Variants in GSK3B observed in about 807,000 individuals in gnomAD.
The protein encoded by GSK3B is glycogen synthase kinase-3 beta.
Under a neutral mutation model 56.4 loss-of-function variants are expected in GSK3B, and 15 were observed. The observed-to-expected ratio is 0.27, with a 90% confidence interval of 0.18 to 0.41. GSK3B has a LOEUF of 0.41. GSK3B is among the 10% of genes least tolerant of loss of function. The pLI, the probability that GSK3B is intolerant of heterozygous loss-of-function variation, is 1.00. For synonymous variants in GSK3B, 181 were observed against 188.9 expected, an observed-to-expected ratio of 0.96 and a Z score of 0.34; for missense variants, 300 against 513.4, an observed-to-expected ratio of 0.58 and a Z score of 4.02.
chr3:120,064,566 C>G (rs530894432), intron 1 of GSK3B, among the ~76,000 whole-genome samples: 8 of 152,240 alleles, frequency 5.3e-5, no homozygotes, highest in African/African-American at 1.7e-4. Flanking sequence ...AGACATAATA[C>G]TGTCAAGATG....
intron 2 of GSK3B, among the ~76,000 whole-genome samples, chr3:119,954,222 G>GAGAAT (rs1262281777): frequency 0.036 from 3,629 of 101,316 alleles, 409 homozygotes; most frequent in East Asian, 0.052. Context: ...AGTGTGGAAG[G>GAGAAT]AGAATAGAAT....
At chr3:120,012,731 G>A (rs996873256) in intron 1 of GSK3B, among the ~76,000 whole-genome samples, 4 of 152,106 alleles carry the variant, frequency 2.6e-5, no homozygotes, top group Middle Eastern at 3.2e-3. Context: ...GTGCAATGAC[G>A]TGATCATAGC....
intron 8 of GSK3B, among the ~76,000 whole-genome samples, chr3:119,867,212 T>C (rs535568040): frequency 1.3e-5 from 2 of 152,332 alleles, no homozygotes; most frequent in African/African-American, 2.4e-5. Flanking sequence ...CCAGATACTT[T>C]CAATTTGTGT....
chr3:120,030,610 A>G (rs1009426195), intron 1 of GSK3B, among the ~76,000 whole-genome samples: 2 of 152,140 alleles, frequency 1.3e-5, no homozygotes, highest in African/African-American at 4.8e-5. Flanking sequence ...ACTTTTTCAC[A>G]TGATGTTCCC....
At chr3:119,929,954 G>A (rs927990411) in intron 3 of GSK3B, among the ~76,000 whole-genome samples, 10 of 150,502 alleles carry the variant, frequency 6.6e-5, no homozygotes, top group Admixed American at 3.3e-4. Context: ...GGCAGCACAC[G>A]CCTGTGGTCA....
At chr3:119,959,677 G>A (rs1005036490) in intron 2 of GSK3B, among the ~76,000 whole-genome samples, 2 of 151,864 alleles carry the variant, frequency 1.3e-5, no homozygotes, top group African/African-American at 4.8e-5. Flanking sequence ...ACCATGCCCA[G>A]CTAATTTTTT....
intron 1 of GSK3B, among the ~76,000 whole-genome samples, chr3:120,092,584 CT>C (rs1464850465): frequency 6.6e-6 from 1 of 152,184 alleles, no homozygotes; most frequent in Non-Finnish European, 1.5e-5. Context: ...CCTATTAATA[CT>C]TCCAAGTTAA....
At chr3:120,064,015 T>C (rs961934277) in intron 1 of GSK3B, among the ~76,000 whole-genome samples, 17 of 151,944 alleles carry the variant, frequency 1.1e-4, no homozygotes, top group African/African-American at 3.9e-4. Context: ...AATTAATTAA[T>C]GAAAAAGCAA....
intron 2 of GSK3B, among the ~76,000 whole-genome samples, chr3:119,974,670 AACAGAT>A (rs2057395393): frequency 6.6e-6 from 1 of 152,216 alleles, no homozygotes; most frequent in Non-Finnish European, 1.5e-5. Context: ...ACAAGACCTG[AACAGAT>A]ACCTCATCAA....
intron 7 of GSK3B, among the ~76,000 whole-genome samples, chr3:119,896,032 G>A (rs2056559307): frequency 6.6e-6 from 1 of 151,654 alleles, no homozygotes; most frequent in Non-Finnish European, 1.5e-5. Flanking sequence ...GGAGGCTAAG[G>A]TGGGAGGACA....
intron 2 of GSK3B, among the ~76,000 whole-genome samples, chr3:119,987,991 G>A (rs1250865163): frequency 6.6e-6 from 1 of 151,964 alleles, no homozygotes; most frequent in Non-Finnish European, 1.5e-5. Context: ...TGTCTTTATG[G>A]CTACCCTAAA....
chr3:119,902,004 G>T (rs1483737687), intron 7 of GSK3B, among the ~76,000 whole-genome samples: 1 of 152,034 alleles, frequency 6.6e-6, no homozygotes, highest in Non-Finnish European at 1.5e-5. Flanking sequence ...AAGCAGAAAA[G>T]AACAGTTTAA....
chr3:119,929,065 A>T (rs933566279), intron 3 of GSK3B, among the ~76,000 whole-genome samples: 1 of 152,210 alleles, frequency 6.6e-6, no homozygotes, highest in Admixed American at 6.5e-5. Context: ...ATGTGTGATG[A>T]TCCTATTTCT....
At chr3:119,826,996 CA>C in intron 10 of GSK3B, 141 bp from the exon 11 acceptor site, 2 of 618,236 alleles carry the variant, frequency 3.2e-6, no homozygotes, top group Non-Finnish European at 5.8e-6. Flanking sequence ...ATAAGGCCAA[CA>C]CTATGAAATC....
At chr3:119,963,625 CAA>C (rs774359104) in intron 2 of GSK3B, among the ~76,000 whole-genome samples, 4 of 79,194 alleles carry the variant, frequency 5.1e-5, no homozygotes, top group African/African-American at 1.3e-4. Context: ...TTCTTCCCCA[CAA>C]AAAAAAAAAA....
chr3:120,001,452 C>G (rs1039342928), intron 2 of GSK3B, among the ~76,000 whole-genome samples: 3 of 152,172 alleles, frequency 2.0e-5, no homozygotes, highest in African/African-American at 7.2e-5. Flanking sequence ...TGTGATGCAC[C>G]TACTCGCCCT....
chr3:119,891,526 T>C (rs748534484), intron 7 of GSK3B, among the ~76,000 whole-genome samples: 4 of 152,148 alleles, frequency 2.6e-5, no homozygotes, highest in Admixed American at 6.6e-5. Context: ...AATAATTTTA[T>C]AGATAAAAAA....
At chr3:119,994,231 G>A (rs2057593592) in intron 2 of GSK3B, among the ~76,000 whole-genome samples, 1 of 151,982 alleles carries the variant, frequency 6.6e-6, no homozygotes, top group African/African-American at 2.4e-5. Flanking sequence ...GAGTCAATGA[G>A]TCCATATGAT....
At chr3:120,051,561 C>G (rs2107542707) in intron 1 of GSK3B, among the ~76,000 whole-genome samples, 2 of 152,072 alleles carry the variant, frequency 1.3e-5, no homozygotes, top group African/African-American at 4.8e-5. Context: ...GAGGTCAGGA[C>G]TTTGAGACCA....
Sources: allele counts gnomAD v4.1 joint callset (sites outside exome capture counted in the v4.1 genomes callset), GRCh38; gene constraint gnomAD v4.1.1; transcripts MANE v1.5; gene names NCBI Gene and HGNC (gene_info 2026-07-23, HGNC 2026-07-21).